SLIT3: variants seen among roughly 807,000 people sequenced by gnomAD.
The protein encoded by SLIT3 is slit homolog 3 protein.
Under a neutral mutation model 184.0 loss-of-function variants are expected in SLIT3, and 68 were observed. That is an observed-to-expected ratio of 0.37 (90% CI 0.30 to 0.45). The LOEUF is 0.45. Among genes scored for constraint, SLIT3 ranks in the 20% least tolerant of loss-of-function variants. The pLI is 1.00. For missense variants in SLIT3, 1,707 were observed against 2,026.0 expected (o/e 0.84, Z 3.02); for synonymous variants, 831 against 828.6 (o/e 1.00, Z -0.05).
At chr5:168,683,797 C>G (rs1391435728) in intron 32 of SLIT3, among the ~76,000 whole-genome samples, 169 bp downstream of exon 32, 1 of 152,178 alleles carries the variant, frequency 6.6e-6, no homozygotes, top group Non-Finnish European at 1.5e-5. Context: ...CTTTCTCCCT[C>G]CCACTCACCA....
intron 1 of SLIT3, among the ~76,000 whole-genome samples, chr5:169,264,711 C>G (rs1766331133): frequency 6.6e-6 from 1 of 152,244 alleles, no homozygotes; most frequent in Non-Finnish European, 1.5e-5. Context: ...GGGCTCCCAT[C>G]TCATGCTTTA....
intron 9 of SLIT3, among the ~76,000 whole-genome samples, chr5:168,798,312 C>T (rs564330490): frequency 8.7e-5 from 13 of 149,940 alleles, no homozygotes; most frequent in African/African-American, 3.2e-4. Context: ...CAACCTTGAA[C>T]GCCTGGGCTC....
chr5:169,039,353 GT>G (rs1757369923), intron 4 of SLIT3, among the ~76,000 whole-genome samples: 1 of 130,570 alleles, frequency 7.7e-6, no homozygotes, highest in Non-Finnish European at 1.6e-5. Context: ...GTCTTGTTCT[GT>G]CGCCCAGGCT....
rs552770638 is a variant in SLIT3, at chr5:169,254,223, G to A, written c.198-2764C>T. On this transcript the variant is annotated intron_variant, in intron 1 of 35. Coordinates refer to ENST00000519560, the MANE Select transcript of SLIT3 (RefSeq NM_003062.4). Reference sequence around the variant, plus strand: ...ACACAAAGCTGGGGATTCAACACACGCGGTTAGAAATGGGAATGGATTACA... The same window carrying A: ...ACACAAAGCTGGGGATTCAACACACACGGTTAGAAATGGGAATGGATTACA... 3.9e-4 allele frequency among the ~76,000 whole-genome samples: 59 copies of A among 152,294 alleles called. 1 individual carries two copies. The highest frequency in any genetic ancestry group is 8.4e-4 in the Non-Finnish European group (57 of 68,028).
intron 5 of SLIT3, among the ~76,000 whole-genome samples, chr5:168,880,443 A>G (rs1561983901): frequency 6.6e-6 from 1 of 152,184 alleles, no homozygotes; most frequent in Non-Finnish European, 1.5e-5. Context: ...CATCTTATAC[A>G]GTTTTGCCTT....
intron 4 of SLIT3, among the ~76,000 whole-genome samples, chr5:169,100,996 C>T (rs1363663359): frequency 6.6e-6 from 1 of 152,162 alleles, no homozygotes; most frequent in Non-Finnish European, 1.5e-5. Flanking sequence ...CCATTGGAGT[C>T]CTCCTTGGGC....
chr5:169,226,158 C>T (rs1431304971), intron 3 of SLIT3, among the ~76,000 whole-genome samples: 4 of 152,068 alleles, frequency 2.6e-5, no homozygotes, highest in South Asian at 4.2e-4. Flanking sequence ...CATCCTTATG[C>T]CCACTAACCA....
intron 4 of SLIT3, among the ~76,000 whole-genome samples, chr5:168,929,415 A>G (rs1221597013): frequency 6.6e-6 from 1 of 152,252 alleles, no homozygotes; most frequent in Admixed American, 6.5e-5. Flanking sequence ...AGTAGTTGCT[A>G]TCATGACCTT....
At chr5:169,079,624 AAGAGG>A (rs1758901850) in intron 4 of SLIT3, among the ~76,000 whole-genome samples, 1 of 68,708 alleles carries the variant, frequency 1.5e-5, no homozygotes, top group Non-Finnish European at 2.8e-5. Flanking sequence ...AGGAGGAGAG[AAGAGG>A]AGGAGGGAAG....
chr5:169,154,904 T>G (rs1762248394), intron 4 of SLIT3, among the ~76,000 whole-genome samples: 1 of 152,208 alleles, frequency 6.6e-6, no homozygotes, highest in African/African-American at 2.4e-5. Context: ...CTTTTCCAAA[T>G]TAACCTTCAA....
chr5:169,219,259 G>A (rs1287858594), intron 3 of SLIT3, among the ~76,000 whole-genome samples: 1 of 152,178 alleles, frequency 6.6e-6, no homozygotes, highest in South Asian at 2.1e-4. Flanking sequence ...GCAGAATAAG[G>A]TTCCAGTGTA....
chr5:169,241,386 A>G (rs1359002564), intron 3 of SLIT3, among the ~76,000 whole-genome samples: 2 of 152,174 alleles, frequency 1.3e-5, no homozygotes, highest in East Asian at 3.8e-4. Flanking sequence ...TATGATAAAG[A>G]GCAGAATTTC....
intron 4 of SLIT3, among the ~76,000 whole-genome samples, chr5:169,192,789 C>T (rs559404395): frequency 1.3e-5 from 2 of 152,242 alleles, no homozygotes; most frequent in Non-Finnish European, 2.9e-5. Context: ...GGTTCACTGT[C>T]GATAATTTAA....
At chr5:168,793,142 T>C (rs937077188) in intron 10 of SLIT3, among the ~76,000 whole-genome samples, 1 of 152,210 alleles carries the variant, frequency 6.6e-6, no homozygotes, top group Non-Finnish European at 1.5e-5. Context: ...AACCTTTTAG[T>C]TTGTACTTGG....
chr5:169,283,889 G>T (rs982774775), intron 1 of SLIT3, among the ~76,000 whole-genome samples: 3 of 152,170 alleles, frequency 2.0e-5, no homozygotes, highest in Non-Finnish European at 2.9e-5. Context: ...TTAAAAAACA[G>T]AAAAGGTAAG....
At chr5:168,736,957 G>T (rs537709496) in intron 20 of SLIT3, among the ~76,000 whole-genome samples, 7 of 152,320 alleles carry the variant, frequency 4.6e-5, no homozygotes, top group Admixed American at 2.0e-4. Flanking sequence ...AATGACACTT[G>T]CCTTGAAGAG....
At chr5:168,861,626 C>T (rs1161740696) in intron 5 of SLIT3, among the ~76,000 whole-genome samples, 6 of 152,152 alleles carry the variant, frequency 3.9e-5, no homozygotes, top group Non-Finnish European at 8.8e-5. Context: ...ACCAAGAAGA[C>T]TCATCTTCCA....
intron 1 of SLIT3, among the ~76,000 whole-genome samples, chr5:169,267,779 C>A (rs1360435248): frequency 6.6e-6 from 1 of 152,180 alleles, no homozygotes; most frequent in African/African-American, 2.4e-5. Flanking sequence ...GGTTGCCCAC[C>A]ATGTCTTTGT....
At chr5:168,883,756 T>C (rs912579486) in intron 4 of SLIT3, among the ~76,000 whole-genome samples, 14 of 150,278 alleles carry the variant, frequency 9.3e-5, no homozygotes, top group Admixed American at 7.3e-4. Context: ...CTCAGTGCTG[T>C]CCTCTGCTGC....
Sources: allele counts gnomAD v4.1 joint callset (sites outside exome capture counted in the v4.1 genomes callset), GRCh38; gene constraint gnomAD v4.1.1; transcripts MANE v1.5; gene names NCBI Gene and HGNC (gene_info 2026-07-23, HGNC 2026-07-21).